Variants in LRRIQ1 observed in about 807,000 individuals in gnomAD.
LRRIQ1 encodes leucine rich repeats and IQ motif containing 1, also known as leucine-rich repeat- and IQ domain-containing protein 1.
In LRRIQ1, 210 loss-of-function variants were observed where a neutral mutation model predicts 211.9. The ratio of observed to expected loss-of-function variants is 0.99; its 90% CI spans 0.89 to 1.11. The LOEUF (loss-of-function observed/expected upper bound fraction) is 1.11. LRRIQ1 is among the 50% of genes most tolerant of loss of function. The pLI is 0.00. For synonymous variants in LRRIQ1, 699 were observed against 650.1 expected, an observed-to-expected ratio of 1.08 and a Z score of -1.14; for missense variants, 2,136 against 1,939.5, an observed-to-expected ratio of 1.10 and a Z score of -1.90.
chr12:85,184,377 A>T (rs1355447352), intron 24 of LRRIQ1, among the ~76,000 whole-genome samples: 1 of 152,076 alleles, frequency 6.6e-6, no homozygotes, highest in Non-Finnish European at 1.5e-5. Context: ...ACATGTAATA[A>T]TAACACTATT....
At chr12:85,269,693 C>T in the LRRIQ1 span, among the ~76,000 whole-genome samples, 1 of 151,854 alleles carries the variant, frequency 6.6e-6, no homozygotes, top group African/African-American at 2.4e-5. Context: ...CCTTCAGGAG[C>T]ACTATGATGA....
intron 24 of LRRIQ1, among the ~76,000 whole-genome samples, chr12:85,192,922 A>G (rs190186386): frequency 0.019 from 1,474 of 78,506 alleles, 14 homozygotes; most frequent in African/African-American, 0.071. Context: ...TAAATATATA[A>G]TTATATAATA....
chr12:85,253,615 A>G (rs1362431603), intron 1 of LRRIQ1, among the ~76,000 whole-genome samples: 1 of 152,048 alleles, frequency 6.6e-6, no homozygotes, highest in African/African-American at 2.4e-5. Flanking sequence ...CATGTTACCA[A>G]GTTTCTTACT....
At chr12:85,242,628 A>G (rs144728636) in intron 26 of LRRIQ1, among the ~76,000 whole-genome samples, 2,524 of 152,008 alleles carry the variant, frequency 0.017, 79 homozygotes, top group African/African-American at 0.058. Context: ...TCTATTTTTT[A>G]ACACTAAGCA....
intron 8 of LRRIQ1, among the ~76,000 whole-genome samples, chr12:85,061,216 G>T (rs1298415456): frequency 6.6e-6 from 1 of 151,552 alleles, no homozygotes; most frequent in African/African-American, 2.4e-5. Context: ...ATACAGTAAT[G>T]AACACATACG....
Position 85,152,344 on chromosome 12 carries a change from T to A in LRRIQ1, c.4394T>A (p.Leu1465His). ...CGCTTCCCTTCACAAACACTGCTTC[T>A]TTCAAACCAGCTGCATTGGCCAAAG... ...STRFPSQTLL[L>H]SNQLHWPKIP... Residue 1465 changes from leucine to histidine, a missense_variant, in exon 20 of 27, where the codon CTT (leucine) becomes CAT (histidine). Coordinates refer to ENST00000393217, the MANE Select transcript of LRRIQ1 (RefSeq NM_001079910.2). 2 of 1,611,320 alleles carry A rather than the reference T, an allele frequency of 1.2e-6. 1 individual carries two copies. Among genetic ancestry groups the A allele is most frequent in the African/African-American group, 2.7e-5 (2 of 74,844 alleles).
At chr12:85,196,159 G>A (rs1370752690) in intron 24 of LRRIQ1, among the ~76,000 whole-genome samples, 2 of 151,998 alleles carry the variant, frequency 1.3e-5, no homozygotes, top group African/African-American at 4.8e-5. Flanking sequence ...ACAAACCACT[G>A]CTCAAGGAAA....
intron 26 of LRRIQ1, among the ~76,000 whole-genome samples, chr12:85,237,769 A>G (rs868008084): frequency 2.0e-5 from 3 of 152,122 alleles, no homozygotes; most frequent in Admixed American, 1.3e-4. Context: ...TAATCAACAA[A>G]TAAATCAACT....
At chr12:85,105,290 G>A (rs1017488222) in intron 14 of LRRIQ1, among the ~76,000 whole-genome samples, 4 of 151,922 alleles carry the variant, frequency 2.6e-5, no homozygotes, top group African/African-American at 9.7e-5. Flanking sequence ...ATAATTTTCT[G>A]TGCTTTATTC....
chr12:85,179,124 A>G (rs1425346154), intron 24 of LRRIQ1, among the ~76,000 whole-genome samples: 1 of 151,932 alleles, frequency 6.6e-6, no homozygotes, highest in African/African-American at 2.4e-5. Context: ...ACCATAAAGT[A>G]TATTATATTC....
chr12:85,055,408 G>A (rs1880866981), intron 7 of LRRIQ1, 139 bp from the exon 8 acceptor site: 2 of 651,156 alleles, frequency 3.1e-6, no homozygotes, highest in African/African-American at 3.8e-5. Context: ...AATGACTTTA[G>A]TTTCTCTAAA....
At chr12:85,231,156 A>C (rs1894919913) in intron 25 of LRRIQ1, among the ~76,000 whole-genome samples, 1 of 152,218 alleles carries the variant, frequency 6.6e-6, no homozygotes, top group Non-Finnish European at 1.5e-5. Context: ...ACAAACAAAA[A>C]GCTATCATTA....
At chr12:85,247,963 T>C (rs1214064702), downstream of LRRIQ1, among the ~76,000 whole-genome samples, 4 of 151,666 alleles carry the variant, frequency 2.6e-5, no homozygotes, top group African/African-American at 7.2e-5. Flanking sequence ...ATCTTTCTTA[T>C]GGTTTACAAA....
At chr12:85,270,588 T>C in the LRRIQ1 span, among the ~76,000 whole-genome samples, 1 of 152,148 alleles carries the variant, frequency 6.6e-6, no homozygotes, top group African/African-American at 2.4e-5. Flanking sequence ...GCTTTTTAAG[T>C]CACTTTTCAT....
chr12:85,201,063 T>G (rs1043874505), intron 24 of LRRIQ1, among the ~76,000 whole-genome samples: 1 of 151,846 alleles, frequency 6.6e-6, no homozygotes, highest in Non-Finnish European at 1.5e-5. Flanking sequence ...ACTCCTGACC[T>G]CAAATGATTC....
rs549967522 is a variant in LRRIQ1 at position 85,209,328 on chromosome 12, G to T, written c.4823-20189G>T. ...TCACATGGTGGCAGTGAGGAGAAGTGGTGAACAAAAGGGGGAAAAGCCCCT... is the reference window on the plus strand; with the variant it reads ...TCACATGGTGGCAGTGAGGAGAAGTTGTGAACAAAAGGGGGAAAAGCCCCT... On this transcript the variant is annotated intron_variant, in intron 24 of 26. Coordinates refer to ENST00000393217, the MANE Select transcript of LRRIQ1 (RefSeq NM_001079910.2). Among the ~76,000 whole-genome samples the T allele has an allele frequency of 4.6e-5, 7 of 152,224 alleles. No individual in the cohort carries two copies. The South Asian group carries it at 1.4e-3, about 32-fold the overall frequency.
intron 19 of LRRIQ1, among the ~76,000 whole-genome samples, chr12:85,138,243 A>G (rs1889276011): frequency 6.6e-6 from 1 of 151,572 alleles, no homozygotes; most frequent in African/African-American, 2.4e-5. Context: ...ATGTAATACT[A>G]TGATCTAATC....
At chr12:85,217,712 G>T (rs12300137) in intron 24 of LRRIQ1, among the ~76,000 whole-genome samples, 12 of 103,874 alleles carry the variant, frequency 1.2e-4, no homozygotes, top group African/African-American at 5.5e-4. Flanking sequence ...ATATGTGTGT[G>T]TATATATGTA....
intron 24 of LRRIQ1, among the ~76,000 whole-genome samples, chr12:85,225,167 A>G (rs1330575511): frequency 2.0e-5 from 3 of 152,140 alleles, no homozygotes; most frequent in East Asian, 1.9e-4. Flanking sequence ...AAAAATTAGT[A>G]TAACAGTTTA....
Sources: allele counts gnomAD v4.1 joint callset (sites outside exome capture counted in the v4.1 genomes callset), GRCh38; gene constraint gnomAD v4.1.1; transcripts MANE v1.5; gene names NCBI Gene and HGNC (gene_info 2026-07-23, HGNC 2026-07-21).